GRIK4: variants seen among roughly 807,000 people sequenced by gnomAD.
The protein encoded by GRIK4 is glutamate receptor ionotropic, kainate 4.
GRIK4 carries 40 observed loss-of-function variants against 104.9 expected under a neutral mutation model. The ratio of observed to expected loss-of-function variants is 0.38; its 90% CI spans 0.30 to 0.50. The LOEUF is 0.50. GRIK4 is among the 20% of genes least tolerant of loss of function. The probability of loss-of-function intolerance (pLI) is 0.93; values close to 1 mark genes in which losing one functional copy is unlikely to be tolerated. For missense variants in GRIK4, 1,047 were observed against 1,308.1 expected, an observed-to-expected ratio of 0.80 and a Z score of 3.08; for synonymous variants, 485 against 524.9, an observed-to-expected ratio of 0.92 and a Z score of 1.04.
chr11:120,628,822 A>G (rs935044278), intron 1 of GRIK4, among the ~76,000 whole-genome samples: 3 of 152,196 alleles, frequency 2.0e-5, no homozygotes, highest in Admixed American at 6.5e-5. Context: ...ACCGTGAAAA[A>G]TAAATGTGAA....
intron 14 of GRIK4, among the ~76,000 whole-genome samples, chr11:120,942,676 A>T (rs1435295935): frequency 6.6e-6 from 1 of 152,156 alleles, no homozygotes; most frequent in African/African-American, 2.4e-5. Flanking sequence ...TGGACATCCC[A>T]AATTGGATTG....
chr11:120,968,225 A>G (rs1433767283), intron 19 of GRIK4, among the ~76,000 whole-genome samples: 2 of 152,216 alleles, frequency 1.3e-5, no homozygotes, highest in African/African-American at 2.4e-5. Flanking sequence ...GTAGGGGAAC[A>G]CTTACCCTAG....
At position 120,526,439 on chromosome 11, in the gene GRIK4, C is replaced by G. The variant is rs1378884047; in HGVS notation, c.-159+14552C>G. ...GCTTGAACTTCTGGGCTCAAGCGAT[C>G]CTCCCACCTCGGCCTCTCAAAGCCC... On this transcript the variant is annotated intron_variant, in intron 1 of 20. Coordinates refer to ENST00000527524, the MANE Select transcript of GRIK4 (RefSeq NM_014619.5). Among the ~76,000 whole-genome samples the G allele has an allele frequency of 2.0e-5, 3 of 152,180 alleles. No individual in the cohort carries two copies. The East Asian group carries it at 5.8e-4, about 29-fold the overall frequency.
intron 3 of GRIK4, among the ~76,000 whole-genome samples, chr11:120,727,858 G>A (rs1356706336): frequency 6.6e-6 from 1 of 151,910 alleles, no homozygotes; most frequent in East Asian, 1.9e-4. Flanking sequence ...AAAGCACAAA[G>A]GGAGGAAAAT....
rs145087748 is a variant in GRIK4, at chr11:120,752,241, T to A, written c.83-50452T>A. Among the ~76,000 whole-genome samples, 1,318 of 152,354 alleles carry A rather than the reference T, an allele frequency of 8.7e-3. 23 individuals carry two copies. Among genetic ancestry groups the A allele is most frequent in the African/African-American group, 0.03 (1,231 of 41,592 alleles). ...TCTGATTTAAAATCTAGCTCTTCAG[T>A]CTCAAAAGGCTGCTGTTTTTAGGAA... On this transcript the variant is annotated intron_variant, in intron 3 of 20. Transcript: ENST00000527524.
chr11:120,617,928 G>A (rs980383069), intron 1 of GRIK4, among the ~76,000 whole-genome samples: 9 of 152,130 alleles, frequency 5.9e-5, no homozygotes, highest in South Asian at 4.2e-4. Context: ...AATTGGTATC[G>A]GGAGTGGGGT....
At chr11:120,746,494 G>A (rs1298262521) in intron 3 of GRIK4, among the ~76,000 whole-genome samples, 2 of 152,082 alleles carry the variant, frequency 1.3e-5, no homozygotes, top group Non-Finnish European at 2.9e-5. Flanking sequence ...CCTTCCTCCA[G>A]CCCCCTTTTC....
chr11:120,882,396 A>T (rs1389542495), intron 11 of GRIK4, among the ~76,000 whole-genome samples: 1 of 152,230 alleles, frequency 6.6e-6, no homozygotes, highest in Non-Finnish European at 1.5e-5. Flanking sequence ...GATTGCTGGG[A>T]ATCAGCAGCC....
At chr11:120,679,081 T>C (rs1183337018) in intron 3 of GRIK4, among the ~76,000 whole-genome samples, 1 of 152,168 alleles carries the variant, frequency 6.6e-6, no homozygotes, top group Non-Finnish European at 1.5e-5. Flanking sequence ...GCTAGAAATA[T>C]CTAGCTTTAT....
intron 3 of GRIK4, among the ~76,000 whole-genome samples, chr11:120,737,906 A>G (rs1047074344): frequency 6.6e-6 from 1 of 152,178 alleles, no homozygotes; most frequent in Non-Finnish European, 1.5e-5. Flanking sequence ...GGTTTTCTGT[A>G]TCTATGTTTT....
At chr11:120,764,042 A>G (rs1951792726) in intron 3 of GRIK4, among the ~76,000 whole-genome samples, 1 of 151,988 alleles carries the variant, frequency 6.6e-6, no homozygotes, top group Admixed American at 6.6e-5. Context: ...TTGACAGTGG[A>G]GTGTCGAAGT....
chr11:120,871,204 T>A, intron 9 of GRIK4: 1 of 169,992 alleles, frequency 5.9e-6, no homozygotes, highest in Non-Finnish European at 1.3e-5. Flanking sequence ...TAGAAGCCAG[T>A]TTCAGTTGGG....
intron 13 of GRIK4, among the ~76,000 whole-genome samples, chr11:120,925,502 G>T (rs1304047428): frequency 2.0e-5 from 3 of 152,180 alleles, no homozygotes; most frequent in Non-Finnish European, 4.4e-5. Flanking sequence ...AGTTAGCTTT[G>T]CCCGTTGTCA....
chr11:120,705,453 T>G (rs551804152), intron 3 of GRIK4, among the ~76,000 whole-genome samples: 109 of 152,292 alleles, frequency 7.2e-4, no homozygotes, highest in African/African-American at 2.5e-3. Flanking sequence ...CTCGAACTCC[T>G]GACCTCAGGT....
chr11:120,613,444 A>C (rs1439944841), intron 1 of GRIK4, among the ~76,000 whole-genome samples: 1 of 152,216 alleles, frequency 6.6e-6, no homozygotes, highest in Non-Finnish European at 1.5e-5. Context: ...TCTTGATAAG[A>C]GCTAATCCCC....
rs1397454839 is a variant in GRIK4, at chr11:120,952,535, C to G, written c.1591-320C>G. ...GCTTCCTGAGTCCATCCTCCACCCCCGATGGAGGACACAGGGTGGTACTTC... is the reference window on the plus strand; with the variant it reads ...GCTTCCTGAGTCCATCCTCCACCCCGGATGGAGGACACAGGGTGGTACTTC... On this transcript the variant is annotated intron_variant, in intron 14 of 20. Transcript: ENST00000527524. The surrounding 1 kb of genome is among the most constrained non-coding windows in gnomAD (Gnocchi z 5.2). Among the ~76,000 whole-genome samples, 1 of 152,182 alleles carries G rather than the reference C, an allele frequency of 6.6e-6. No homozygotes were observed. The highest frequency in any genetic ancestry group is 1.5e-5 in the Non-Finnish European group (1 of 68,034).
At chr11:120,528,646 CCT>C (rs1404141501) in intron 1 of GRIK4, among the ~76,000 whole-genome samples, 2 of 152,146 alleles carry the variant, frequency 1.3e-5, no homozygotes, top group Non-Finnish European at 2.9e-5. Context: ...GCTGGGGAGG[CCT>C]CACAATCATG....
chr11:120,712,664 A>G (rs1214520164), intron 3 of GRIK4, among the ~76,000 whole-genome samples: 1 of 151,230 alleles, frequency 6.6e-6, no homozygotes, highest in East Asian at 1.9e-4. Flanking sequence ...TCTGCCAGGG[A>G]CAGGGAGCTC....
Position 120,786,793 on chromosome 11 carries a change from C to G in GRIK4, c.83-15900C>G, listed in dbSNP as rs1011738751. Among the ~76,000 whole-genome samples the G allele has an allele frequency of 1.2e-4, 18 of 152,322 alleles. 1 individual carries two copies. Among genetic ancestry groups the G allele is most frequent in the Admixed American group, 2.6e-4 (4 of 15,306 alleles). On this transcript the variant is annotated intron_variant, in intron 3 of 20. Transcript: ENST00000527524. Reference sequence around the variant, plus strand: ...GAAAATAGATGCCATCCAGCTCAGCCTCTCTCAACACCCCCCACCTACAGC... The same window carrying G: ...GAAAATAGATGCCATCCAGCTCAGCGTCTCTCAACACCCCCCACCTACAGC...
Sources: allele counts gnomAD v4.1 joint callset (sites outside exome capture counted in the v4.1 genomes callset), GRCh38; gene constraint gnomAD v4.1.1; non-coding constraint Gnocchi (gnomAD v3.1); transcripts MANE v1.5; gene names NCBI Gene and HGNC (gene_info 2026-07-23, HGNC 2026-07-21).